ATG16L2: variants seen among roughly 807,000 people sequenced by gnomAD.
ATG16L2 encodes the protein autophagy related 16 like 2.
ATG16L2 carries 77 observed loss-of-function variants against 84.7 expected under a neutral mutation model. The ratio of observed to expected loss-of-function variants is 0.91; its 90% CI spans 0.76 to 1.10. The LOEUF is 1.10. Ranked by LOEUF, ATG16L2 falls within the 50% of genes least tolerant of loss-of-function variation. ATG16L2 has a pLI of 0.00. For synonymous variants in ATG16L2, 361 were observed against 342.8 expected (o/e 1.05, Z -0.59); for missense variants, 782 against 817.6 (o/e 0.96, Z 0.53).
chr11:72,826,503 C>T lies in ATG16L2; in HGVS notation c.1174-15C>T. ...TCCGGCTTAGCACCTCTCACTTCCT[C>T]TCCCATTTCTCCAGGGCTACCAGGT... On this transcript the variant is annotated splice_polypyrimidine_tract_variant and intron_variant, in intron 11 of 17. Transcript: ENST00000321297. 6.2e-7 allele frequency: 1 copy of T among 1,613,956 alleles called. No homozygotes were observed. Among genetic ancestry groups the T allele is most frequent in the South Asian group, 1.1e-5 (1 of 91,066 alleles).
At chr11:72,819,244 C>A (rs1373788370) in intron 3 of ATG16L2, among the ~76,000 whole-genome samples, 2 of 152,154 alleles carry the variant, frequency 1.3e-5, no homozygotes, top group Non-Finnish European at 2.9e-5. Flanking sequence ...CCATCCTGAG[C>A]TGGTCACAAG....
At chr11:72,834,992 G>A (rs891886500) in intron 5 of ATG16L2, among the ~76,000 whole-genome samples, 1 of 152,260 alleles carries the variant, frequency 6.6e-6, no homozygotes, top group African/African-American at 2.4e-5. Flanking sequence ...TGGGTCTCTG[G>A]CTTGTGAATG....
chr11:72,822,723 C>G lies in ATG16L2; in HGVS notation c.711-125C>G, dbSNP rs534683679. On this transcript the variant is annotated intron_variant, in intron 6 of 17. Coordinates refer to ENST00000321297, the MANE Select transcript of ATG16L2 (RefSeq NM_033388.2). This position sits in a 1 kb window ranked among gnomAD's most constrained non-coding sequence, Gnocchi z 4.2. ...TCGTAGGAGCCTGCATGCGTGACCGCTGCACGTGTACACCCACACAGAACC... is the reference window on the plus strand; with the variant it reads ...TCGTAGGAGCCTGCATGCGTGACCGGTGCACGTGTACACCCACACAGAACC... 5 of 1,019,090 alleles carry G rather than the reference C, an allele frequency of 4.9e-6. No individual in the cohort carries two copies. The South Asian group carries it at 7.9e-5, about 16-fold the overall frequency. 63.1% of individuals were successfully genotyped at this position (1,019,090 alleles called of 1,614,324 possible).
Position 72,829,345 on chromosome 11 carries a change from C to T in ATG16L2, c.1815C>T (p.His605=), listed in dbSNP as rs1380685256. Residue 605 remains histidine (H), a synonymous_variant, in exon 18 of 18, where the codon CAC becomes CAT. Coordinates refer to ENST00000321297, the MANE Select transcript of ATG16L2 (RefSeq NM_033388.2). ...NAVAWCYSGS[H]MVSVDQGRKV... ...TGGCCTGGTGCTACTCCGGGAGCCACATGGTGAGCGTGGACCAGGGCAGGA... is the reference window on the plus strand; with the variant it reads ...TGGCCTGGTGCTACTCCGGGAGCCATATGGTGAGCGTGGACCAGGGCAGGA... The T allele has an allele frequency of 3.1e-6, 5 of 1,612,936 alleles. No individual in the cohort carries two copies. Among genetic ancestry groups the T allele is most frequent in the Non-Finnish European group, 4.2e-6 (5 of 1,179,888 alleles).
chr11:72,825,189 A>G, intron 9 of ATG16L2, 113 bp from the exon 10 acceptor site: 1 of 781,590 alleles, frequency 1.3e-6, no homozygotes, highest in Non-Finnish European at 2.1e-6. Flanking sequence ...GGGGAGGGAG[A>G]TACCACGTCT....
At chr11:72,841,611 G>T (rs372685355) in intron 5 of ATG16L2, 5 of 1,568,546 alleles carry the variant, frequency 3.2e-6, no homozygotes, top group African/African-American at 1.4e-5. Flanking sequence ...GAGGTTACCC[G>T]GTGCTCCCCT....
At chr11:72,840,856 C>G (rs766471788) in intron 5 of ATG16L2, 3 of 1,553,762 alleles carry the variant, frequency 1.9e-6, no homozygotes, top group Non-Finnish European at 2.7e-6. Flanking sequence ...ATTCGATAAT[C>G]CTGCAAGATC....
chr11:72,841,073 C>T (rs139411354), intron 5 of ATG16L2: 40 of 769,260 alleles, frequency 5.2e-5, no homozygotes, highest in Middle Eastern at 2.3e-4. Context: ...GATACTGAGG[C>T]GGGAGGATTA....
At chr11:72,842,950 T>C (rs900704464) in exon 6 of ATG16L2, 2 of 977,566 alleles carry the variant, frequency 2.0e-6, no homozygotes, top group Non-Finnish European at 3.0e-6. Context: ...CAGAATAGGA[T>C]TAAAGTTGTA....
chr11:72,822,715 C>A lies in ATG16L2; in HGVS notation c.711-133C>A. The A allele has an allele frequency of 9.7e-7, 1 of 1,028,452 alleles. No individual in the cohort carries two copies. The highest frequency in any genetic ancestry group is 1.4e-6 in the Non-Finnish European group (1 of 703,882). The allele number at this position is 1,028,452 out of a possible 1,614,324, so 63.7% of individuals were successfully genotyped here. A position where few individuals can be genotyped will look rare whatever the true frequency, so the allele number is the denominator to read the frequency against. On this transcript the variant is annotated intron_variant, in intron 6 of 17. Transcript: ENST00000321297. The surrounding 1 kb of genome is among the most constrained non-coding windows in gnomAD (Gnocchi z 4.2). Reference sequence around the variant, plus strand: ...CCGTGTGGTCGTAGGAGCCTGCATGCGTGACCGCTGCACGTGTACACCCAC... The same window carrying A: ...CCGTGTGGTCGTAGGAGCCTGCATGAGTGACCGCTGCACGTGTACACCCAC...
intron 1 of ATG16L2, chr11:72,815,954 C>G (rs1306680007): frequency 2.0e-5 from 3 of 152,134 alleles, no homozygotes; most frequent in Non-Finnish European, 2.9e-5. Context: ...TACCTTACAC[C>G]AGGGCTGGGG....
chr11:72,843,731 A>G, downstream of ATG16L2: 1 of 562,546 alleles, frequency 1.8e-6, no homozygotes, highest in East Asian at 2.9e-5. Flanking sequence ...AAACCATAAC[A>G]AAAACTCAAG....
intron 5 of ATG16L2, chr11:72,840,796 G>T: frequency 9.7e-7 from 1 of 1,032,470 alleles, no homozygotes. Context: ...AACAACACAG[G>T]GGCCACGGGG....
At chr11:72,841,612 G>A (rs1591329736) in intron 5 of ATG16L2, 1 of 1,568,266 alleles carries the variant, frequency 6.4e-7, no homozygotes, top group Non-Finnish European at 8.6e-7. Flanking sequence ...AGGTTACCCG[G>A]TGCTCCCCTC....
chr11:72,817,884 G>C (rs764607462), intron 3 of ATG16L2, 29 bp downstream of exon 3: 1 of 1,580,496 alleles, frequency 6.3e-7, no homozygotes, highest in Non-Finnish European at 8.6e-7. Flanking sequence ...TGAAAATGGG[G>C]TAGAGAGATG....
chr11:72,822,901 T>TGGCCCC lies in ATG16L2; in HGVS notation c.765_770dup (p.Ala256_Pro257dup). 1 of 1,579,810 alleles carries TGGCCCC rather than the reference T, an allele frequency of 6.3e-7. No individual in the cohort carries two copies. Among genetic ancestry groups the TGGCCCC allele is most frequent in the Non-Finnish European group, 8.6e-7 (1 of 1,162,534 alleles). On this transcript the variant is annotated inframe_insertion, in exon 7 of 18. Transcript: ENST00000321297. This position sits in a 1 kb window ranked among gnomAD's most constrained non-coding sequence, Gnocchi z 4.2. ...AGGGAGAGAAGGGAGACTCTGGCTC[T>TGGCCCC]GGCCCCTGAGCCAGAGCCCCTGGAG...
At chr11:72,821,844 T>G in intron 4 of ATG16L2, 103 bp downstream of exon 4, 9 of 1,459,758 alleles carry the variant, frequency 6.2e-6, no homozygotes, top group Non-Finnish European at 8.2e-6. Flanking sequence ...GATCTTTCCC[T>G]ACGTCCCCCC....
rs1860078837 is a variant in ATG16L2 at position 72,822,610 on chromosome 11, C to T, written c.710+67C>T. On this transcript the variant is annotated intron_variant, in intron 6 of 17. Coordinates refer to ENST00000321297, the MANE Select transcript of ATG16L2 (RefSeq NM_033388.2). The surrounding 1 kb of genome is among the most constrained non-coding windows in gnomAD (Gnocchi z 4.2). The stretch of plus-strand genomic sequence containing the variant: ...TCCCGCCCCGCCTGCCTGCGGCGAC[C>T]CAGGCTGCCGACTGTACTTGTGCAC... The T allele has an allele frequency of 6.4e-7, 1 of 1,574,248 alleles. No individual in the cohort carries two copies. The highest frequency in any genetic ancestry group is 1.9e-5 in the Admixed American group (1 of 53,592).
chr11:72,831,316 G>A (rs769760770), downstream of ATG16L2, among the ~76,000 whole-genome samples: 3 of 152,226 alleles, frequency 2.0e-5, no homozygotes, highest in Non-Finnish European at 2.9e-5. Context: ...AGACCAACCT[G>A]AGCAACATAG....
Sources: gnomAD v4.1 joint callset for allele counts (sites outside exome capture counted in the v4.1 genomes callset) on GRCh38, gnomAD v4.1.1 for gene constraint, Gnocchi (gnomAD v3.1) non-coding constraint, MANE v1.5 for transcripts, NCBI Gene and HGNC (gene_info 2026-07-23, HGNC 2026-07-21) for gene names.